CACNB4: variants seen among roughly 807,000 people sequenced by gnomAD.
CACNB4 encodes the protein calcium voltage-gated channel auxiliary subunit beta 4, also known as voltage-dependent L-type calcium channel subunit beta-4.
In CACNB4, 32 loss-of-function variants were observed where a neutral mutation model predicts 71.2. That is an observed-to-expected ratio of 0.45 (90% confidence interval 0.34 to 0.60). The LOEUF is 0.60. Among genes scored for constraint, CACNB4 ranks in the 20% least tolerant of loss-of-function variants. The probability of loss-of-function intolerance (pLI) is 0.01; values close to 1 mark genes in which losing one functional copy is unlikely to be tolerated. For missense variants in CACNB4, 464 were observed against 647.9 expected (o/e 0.72, Z 3.08); for synonymous variants, 231 against 236.9 (o/e 0.97, Z 0.23).
At chr2:151,927,451 G>A (rs761149060) in intron 2 of CACNB4, among the ~76,000 whole-genome samples, 1 of 152,174 alleles carries the variant, frequency 6.6e-6, no homozygotes, top group Non-Finnish European at 1.5e-5. Context: ...CCCTATGTGG[G>A]CTCTATTCTG....
intron 2 of CACNB4, among the ~76,000 whole-genome samples, chr2:151,997,640 G>A (rs181607321): frequency 3.5e-4 from 53 of 152,230 alleles, no homozygotes; most frequent in African/African-American, 7.7e-4. Flanking sequence ...AAGAAGTCAC[G>A]GAATGCTAAC....
In CACNB4 at chr2:151,833,123, A is replaced by G. The variant is rs941286741; in HGVS notation, c.*5996T>C. The G allele has an allele frequency of 6.6e-6, 1 of 152,154 alleles. No individual in the cohort carries two copies. The highest frequency in any genetic ancestry group is 2.4e-5 in the African/African-American group (1 of 41,454). The allele number at this position is 152,154 out of a possible 1,614,324, so 9.4% of individuals were successfully genotyped here. On this transcript the variant is annotated 3_prime_UTR_variant, in exon 14 of 14. Transcript: ENST00000539935. ...AGAAAAAAAATTATTTGACAAAGGCATTTTTTATCCCACTTTGTCAATGGA... is the reference window on the plus strand; with the variant it reads ...AGAAAAAAAATTATTTGACAAAGGCGTTTTTTATCCCACTTTGTCAATGGA...
chr2:152,079,432 T>C (rs1687231403), intron 2 of CACNB4, among the ~76,000 whole-genome samples: 1 of 152,116 alleles, frequency 6.6e-6, no homozygotes, highest in Non-Finnish European at 1.5e-5. Context: ...GTATTTATTA[T>C]TGCAACATCA....
intron 2 of CACNB4, among the ~76,000 whole-genome samples, chr2:152,072,143 G>C (rs929566256): frequency 2.6e-5 from 4 of 152,256 alleles, no homozygotes; most frequent in African/African-American, 9.6e-5. Flanking sequence ...AGAACAAGGA[G>C]CTGTAAGATG....
At chr2:151,965,756 A>G (rs924725471) in intron 2 of CACNB4, among the ~76,000 whole-genome samples, 13 of 151,824 alleles carry the variant, frequency 8.6e-5, no homozygotes, top group Non-Finnish European at 1.5e-4. Flanking sequence ...TTTAGAGATG[A>G]GACTCAAGTG....
At chr2:152,056,022 C>T (rs1211904113) in intron 2 of CACNB4, among the ~76,000 whole-genome samples, 1 of 152,138 alleles carries the variant, frequency 6.6e-6, no homozygotes, top group Admixed American at 6.6e-5. Context: ...ATTTAAAAAT[C>T]TGGTTATACC....
intron 2 of CACNB4, chr2:151,971,650 C>A (rs1560095617): frequency 1.4e-6 from 1 of 702,558 alleles, no homozygotes; most frequent in Non-Finnish European, 2.6e-6. Context: ...TAGTCTTCTC[C>A]ATTGGCTTGA....
chr2:151,951,954 G>A (rs7597915), intron 2 of CACNB4, among the ~76,000 whole-genome samples: 123,821 of 152,118 alleles, frequency 0.81, 53,622 homozygotes, highest in Non-Finnish European at 0.97. Flanking sequence ...ATGGCCTGGA[G>A]GCTCTGGGTA....
At chr2:152,036,404 A>G (rs553421794) in intron 2 of CACNB4, among the ~76,000 whole-genome samples, 28 of 152,294 alleles carry the variant, frequency 1.8e-4, no homozygotes, top group African/African-American at 4.8e-4. Context: ...GGTTCAAGCA[A>G]TGCTCTTGCC....
chr2:152,044,188 C>A (rs1417517646), intron 2 of CACNB4, among the ~76,000 whole-genome samples: 1 of 152,174 alleles, frequency 6.6e-6, no homozygotes, highest in African/African-American at 2.4e-5. Flanking sequence ...AACACAAATG[C>A]ACTTCTTTTA....
intron 2 of CACNB4, among the ~76,000 whole-genome samples, chr2:152,049,159 CT>C (rs1325808621): frequency 2.5e-3 from 358 of 145,360 alleles, no homozygotes; most frequent in African/African-American, 5.6e-3. Context: ...TGCATTCTCT[CT>C]TTTTTTTTTT....
intron 2 of CACNB4, among the ~76,000 whole-genome samples, chr2:152,008,675 T>C (rs1339128090): frequency 1.3e-5 from 2 of 152,124 alleles, no homozygotes; most frequent in African/African-American, 2.4e-5. Flanking sequence ...ATCTAACTCT[T>C]CTCTCATCTC....
At chr2:151,890,464 C>T (rs969886184) in intron 2 of CACNB4, among the ~76,000 whole-genome samples, 6 of 152,160 alleles carry the variant, frequency 3.9e-5, no homozygotes, top group Admixed American at 6.5e-5. Context: ...CCACCCTGTA[C>T]GGATGAGGCA....
At chr2:151,905,953 G>C (rs996853940) in intron 2 of CACNB4, among the ~76,000 whole-genome samples, 2 of 152,192 alleles carry the variant, frequency 1.3e-5, no homozygotes, top group African/African-American at 4.8e-5. Flanking sequence ...AGTAAAAAGA[G>C]TGTTTAGTCA....
At chr2:151,841,024 G>A (rs1394447299) in intron 13 of CACNB4, among the ~76,000 whole-genome samples, 4 of 152,158 alleles carry the variant, frequency 2.6e-5, no homozygotes, top group African/African-American at 4.8e-5. Flanking sequence ...TCCTGTGTTC[G>A]TCACCAGCTT....
intron 3 of CACNB4, 129 bp from the exon 4 acceptor site, chr2:151,881,051 T>A: frequency 1.1e-6 from 1 of 912,760 alleles, no homozygotes. Flanking sequence ...GAGTTTTACA[T>A]TCTCAAGCAA....
intron 2 of CACNB4, among the ~76,000 whole-genome samples, chr2:152,035,955 A>C (rs900240325): frequency 6.6e-6 from 1 of 152,206 alleles, no homozygotes; most frequent in Non-Finnish European, 1.5e-5. Flanking sequence ...ATGGATAAAC[A>C]AAATGTGGCG....
chr2:151,893,645 C>T (rs572151023), intron 2 of CACNB4, among the ~76,000 whole-genome samples: 1 of 151,868 alleles, frequency 6.6e-6, no homozygotes, highest in Non-Finnish European at 1.5e-5. Context: ...ATAAACACAC[C>T]TCTACTACCA....
At chr2:152,012,551 C>T (rs1683118289) in intron 2 of CACNB4, among the ~76,000 whole-genome samples, 1 of 149,806 alleles carries the variant, frequency 6.7e-6, no homozygotes, top group Non-Finnish European at 1.5e-5. Context: ...TTGCAGTGAG[C>T]CAAGATCGTG....
Sources: allele counts gnomAD v4.1 joint callset (sites outside exome capture counted in the v4.1 genomes callset), GRCh38; gene constraint gnomAD v4.1.1; transcripts MANE v1.5; gene names NCBI Gene and HGNC (gene_info 2026-07-23, HGNC 2026-07-21).